Variants in FTSJ3 observed in about 807,000 individuals in gnomAD.
FTSJ3 encodes the protein pre-rRNA 2'-O-ribose RNA methyltransferase FTSJ3.
Under a neutral mutation model 111.5 loss-of-function variants are expected in FTSJ3, and 46 were observed. The ratio of observed to expected loss-of-function variants is 0.41; its 90% confidence interval spans 0.33 to 0.53. The LOEUF (loss-of-function observed/expected upper bound fraction) is 0.53, where lower values mean the gene tolerates loss of function less well. Ranked by LOEUF, FTSJ3 falls within the 20% of genes least tolerant of loss-of-function variation. The pLI is 0.19. For synonymous variants in FTSJ3, 408 were observed against 383.0 expected (o/e 1.07, Z -0.76); for missense variants, 1,075 against 1,063.8 (o/e 1.01, Z -0.15).
chr17:63,824,046 C>A, intron 12 of FTSJ3, 38 bp downstream of exon 12: 2 of 1,613,906 alleles, frequency 1.2e-6, no homozygotes, highest in Non-Finnish European at 1.7e-6. Flanking sequence ...ACAGTCCCTG[C>A]GTTGGGGAAC....
At chr17:63,820,212 C>T (rs1377549628) in intron 19 of FTSJ3, 39 bp from the exon 20 acceptor site, 4 of 880,320 alleles carry the variant, frequency 4.5e-6, no homozygotes, top group East Asian at 4.6e-5. Context: ...TCCCCATCCC[C>T]CCACCCCCAC....
rs1385806456 is a variant in FTSJ3, at chr17:63,827,131, T to C, written c.-106A>G. 4.9e-6 allele frequency: 3 copies of C among 608,610 alleles called. No individual in the cohort carries two copies. The highest frequency in any genetic ancestry group is 8.7e-6 in the Non-Finnish European group (3 of 343,730). 37.7% of individuals were successfully genotyped at this position (608,610 alleles called of 1,614,324 possible). On this transcript the variant is annotated 5_prime_UTR_variant, in exon 1 of 21. Transcript: ENST00000427159. ...TACTTCCGCTTCCGCTTGCGTCCCCTGCGTCCCTGGCTCGAGGTTTTCCGC... is the reference window on the plus strand; with the variant it reads ...TACTTCCGCTTCCGCTTGCGTCCCCCGCGTCCCTGGCTCGAGGTTTTCCGC...
rs866559802 is a variant in FTSJ3 at position 63,824,027 on chromosome 17, C to T, written c.1154+57G>A. The T allele has an allele frequency of 5.0e-6, 8 of 1,613,500 alleles. No homozygotes were observed. In the African/African-American group the frequency reaches 5.3e-5, roughly 11 times the overall value. On this transcript the variant is annotated intron_variant, in intron 12 of 20. Coordinates refer to ENST00000427159, the MANE Select transcript of FTSJ3 (RefSeq NM_017647.4). ...ATCCATGCCTTGCATTTTCTTCTCC[C>T]ATCTTCACACAGTCCCTGCGTTGGG... is the stretch of plus-strand genomic sequence containing the variant.
intron 16 of FTSJ3, 112 bp downstream of exon 16, chr17:63,821,237 TCAGTA>T: frequency 6.6e-7 from 1 of 1,509,722 alleles, no homozygotes; most frequent in South Asian, 1.2e-5. Flanking sequence ...ATCAGGATCG[TCAGTA>T]CAGTATTTTT....
chr17:63,827,334 GC>G lies in FTSJ3; in HGVS notation c.-310del, dbSNP rs2040118841. ...CCAAAGCCCCTGAACTCGAGTAGCC[GC>G]CCCTCCCATCATGGTTCCCTTAGTG... On this transcript the variant is annotated 5_prime_UTR_variant, in exon 1 of 21. The change creates a premature stop within an existing upstream ORF in the 5' untranslated region. Coordinates refer to ENST00000427159, the MANE Select transcript of FTSJ3 (RefSeq NM_017647.4). 3 of 950,008 alleles carry G rather than the reference GC, an allele frequency of 3.2e-6. No homozygotes were observed. The highest frequency in any genetic ancestry group is 4.8e-6 in the Non-Finnish European group (3 of 626,096). 58.8% of individuals were successfully genotyped at this position (950,008 alleles called of 1,614,324 possible). A position where few individuals can be genotyped will look rare whatever the true frequency, so the allele number is the denominator to read the frequency against.
intron 10 of FTSJ3, 35 bp downstream of exon 10, chr17:63,824,602 G>C: frequency 6.4e-7 from 1 of 1,554,522 alleles, no homozygotes; most frequent in Non-Finnish European, 8.9e-7. Context: ...CCTGCCTCCA[G>C]GGCTCCTGGC....
rs1257224773 is a variant in FTSJ3 at position 63,827,100 on chromosome 17, GCTAA to G, written c.-79_-76del. ...ACACTTGGAACCGCACAAGTATGCA[GCTAA>G]CTACTTCCGCTTCCGCTTGCGTCCC... On this transcript the variant is annotated 5_prime_UTR_variant, in exon 1 of 21. The change abolishes the stop of an existing upstream ORF in the 5' untranslated region. Coordinates refer to ENST00000427159, the MANE Select transcript of FTSJ3 (RefSeq NM_017647.4). The G allele has an allele frequency of 1.7e-5, 9 of 541,418 alleles. No homozygotes were observed. The East Asian group carries it at 2.3e-4, about 14-fold the overall frequency. 33.5% of individuals were successfully genotyped at this position (541,418 alleles called of 1,614,324 possible).
chr17:63,826,750 A>C, intron 2 of FTSJ3, 78 bp from the exon 3 acceptor site: 1 of 1,552,640 alleles, frequency 6.4e-7, no homozygotes, highest in Non-Finnish European at 8.9e-7. Context: ...CCCCTTCTGC[A>C]GGAGAGGTAC....
chr17:63,822,116 G>A lies in FTSJ3; in HGVS notation c.1343C>T (p.Ser448Phe), dbSNP rs1171235923. ...GDMSAADTFL[S>F]DLPRDDIYVS... ...ATAGATATCATCCCTTGGCAGATCG[G>A]ACAGAAATGTGTCTGCTGCACTCAT... Residue 448 changes from serine to phenylalanine, a missense_variant, in exon 14 of 21, where the codon TCC (serine) becomes TTC (phenylalanine). Physicochemically the swap from Ser to Phe is radical, Grantham distance 155. Transcript: ENST00000427159. 3.7e-6 allele frequency: 6 copies of A among 1,614,148 alleles called. No individual in the cohort carries two copies. Among genetic ancestry groups the A allele is most frequent in the Non-Finnish European group, 5.1e-6 (6 of 1,180,002 alleles).
chr17:63,820,991 A>G (rs1280266222), intron 17 of FTSJ3, 39 bp downstream of exon 17: 2 of 1,610,110 alleles, frequency 1.2e-6, no homozygotes, highest in East Asian at 2.2e-5. Context: ...TGAGACTTCC[A>G]GTGGTCTTTT....
At chr17:63,820,208 T>TTCCCCCCCCCCCC in intron 19 of FTSJ3, 35 bp from the exon 20 acceptor site, 2 of 694,918 alleles carry the variant, frequency 2.9e-6, no homozygotes, top group Non-Finnish European at 4.4e-6. Flanking sequence ...CTCTTCCCCA[T>TTCCCCCCCCCCCC]CCCCCCACCC....
Position 63,823,935 on chromosome 17 carries a change from A to G in FTSJ3, c.1172T>C (p.Leu391Ser), listed in dbSNP as rs2040073341. The change falls in exon 13 of 21, where the codon TTG becomes TCG. Residue 391 changes from leucine to serine, a missense_variant. Physicochemically the swap from Leu to Ser is moderately radical, Grantham distance 145. Coordinates refer to ENST00000427159, the MANE Select transcript of FTSJ3 (RefSeq NM_017647.4). ...CTCCCGCTGCTTTCTCTGCTCACGC[A>G]ACAGCTTCTTTTTCTTCCTGAGGGG... ...AELKRKKKKL[L>S]REQRKQRERV... The G allele has an allele frequency of 6.2e-7, 1 of 1,614,188 alleles. No individual in the cohort carries two copies. Among genetic ancestry groups the G allele is most frequent in the Non-Finnish European group, 8.5e-7 (1 of 1,180,042 alleles).
intron 5 of FTSJ3, 196 bp downstream of exon 5, chr17:63,825,860 C>G (rs1312062829): frequency 1.6e-6 from 1 of 634,094 alleles, no homozygotes; most frequent in African/African-American, 1.8e-5. Context: ...TGCCCTTCTC[C>G]CAATTCCAAA....
At chr17:63,824,801 T>C (rs758576316) in intron 9 of FTSJ3, 24 bp downstream of exon 9, 27 of 1,607,998 alleles carry the variant, frequency 1.7e-5, no homozygotes, top group African/African-American at 2.7e-5. Context: ...GGCTACCTCA[T>C]GTCCCTCAAG....
chr17:63,821,625 C>T lies in FTSJ3; in HGVS notation c.1615G>A (p.Glu539Lys), dbSNP rs2040052605. 6 of 1,613,354 alleles carry T rather than the reference C, an allele frequency of 3.7e-6. No individual in the cohort carries two copies. Among genetic ancestry groups the T allele is most frequent in the Middle Eastern group, 1.7e-4 (1 of 6,060 alleles). Residue 539 changes from glutamate (E) to lysine (K), a missense_variant, in exon 16 of 21, where the codon GAG (glutamate) becomes AAG (lysine). By Grantham distance (56) the Glu-to-Lys change is moderately conservative. Transcript: ENST00000427159. ...TCCAGGGCCTCATCGGCATCGTCCT[C>T]GATCCCAGCAAAGCTGCCCTGTGAT... Reference protein sequence around the residue: ...WFSKGSFAGIEDDADEALEIS... With the variant: ...WFSKGSFAGIKDDADEALEIS...
chr17:63,823,142 A>G (rs1021422712), intron 13 of FTSJ3, among the ~76,000 whole-genome samples: 8 of 152,232 alleles, frequency 5.3e-5, no homozygotes, highest in Admixed American at 3.3e-4. Flanking sequence ...TTCAGTATTC[A>G]GTGGAAGTAC....
Position 63,821,081 on chromosome 17 carries a change from C to G in FTSJ3, c.1921G>C (p.Gly641Arg). Residue 641 changes from glycine to arginine, a missense_variant, in exon 17 of 21, where the codon GGG becomes CGG. By Grantham distance (125) the Gly-to-Arg change is moderately radical. Transcript: ENST00000427159. ...AACCCGTCATCATCTGACTTAGGCC[C>G]ACGGCTTCGCTTCTTACCACGGAGG... ...EPLRGKKRSRGPKSDDDGFEI... is the reference protein window; with the variant it reads ...EPLRGKKRSRRPKSDDDGFEI... 1.9e-6 allele frequency: 3 copies of G among 1,614,156 alleles called. No individual in the cohort carries two copies. Among genetic ancestry groups the G allele is most frequent in the Non-Finnish European group, 2.5e-6 (3 of 1,180,034 alleles).
At chr17:63,826,541 A>G (rs373208209) in intron 3 of FTSJ3, 26 bp downstream of exon 3, 2 of 1,580,272 alleles carry the variant, frequency 1.3e-6, no homozygotes, top group Non-Finnish European at 1.7e-6. Flanking sequence ...GGCCACCAGG[A>G]GCAACCTGTG....
chr17:63,820,811 ACT>A (rs746415246), intron 18 of FTSJ3, 26 bp downstream of exon 18: 2 of 1,527,206 alleles, frequency 1.3e-6, no homozygotes, highest in Admixed American at 1.7e-5. Context: ...ACCCTGGGTC[ACT>A]CTTGATGAGT....
Sources: gnomAD v4.1 joint callset for allele counts (sites outside exome capture counted in the v4.1 genomes callset) on GRCh38, gnomAD v4.1.1 for gene constraint, MANE v1.5 for transcripts, NCBI Gene and HGNC (gene_info 2026-07-23, HGNC 2026-07-21) for gene names.